Variants in EPS15L1 observed in about 807,000 individuals in gnomAD.
The protein encoded by EPS15L1 is epidermal growth factor receptor substrate 15-like 1.
A neutral mutation model predicts 117.1 loss-of-function variants in EPS15L1; 43 were observed. That is an observed-to-expected ratio of 0.37 (90% confidence interval 0.29 to 0.47). The LOEUF is 0.47. Among genes scored for constraint, EPS15L1 ranks in the 20% least tolerant of loss-of-function variants. The pLI is 0.99. For synonymous variants in EPS15L1, 459 were observed against 470.5 expected (o/e 0.98, Z 0.32); for missense variants, 981 against 1,164.0 (o/e 0.84, Z 2.29).
intron 13 of EPS15L1, chr19:16,413,084 C>G: frequency 1.4e-6 from 1 of 692,234 alleles, no homozygotes; most frequent in Admixed American, 2.0e-5. Flanking sequence ...TTGTTGCTAT[C>G]GGGGACTACA....
chr19:16,430,924 T>C (rs2092921238), intron 7 of EPS15L1, among the ~76,000 whole-genome samples: 1 of 152,102 alleles, frequency 6.6e-6, no homozygotes, highest in African/African-American at 2.4e-5. Flanking sequence ...CATGGGTGCA[T>C]AGATGCATGG....
At chr19:16,410,783 C>T (rs2092699476) in intron 13 of EPS15L1, among the ~76,000 whole-genome samples, 1 of 152,066 alleles carries the variant, frequency 6.6e-6, no homozygotes. Context: ...CATGGTGGTG[C>T]ATGCCTGTAG....
In EPS15L1 at chr19:16,405,469, C is replaced by A. The variant is rs925449585; in HGVS notation, c.1267-720G>T. 2.6e-5 allele frequency among the ~76,000 whole-genome samples: 4 copies of A among 152,200 alleles called. No homozygotes were observed. Among genetic ancestry groups the A allele is most frequent in the African/African-American group, 9.7e-5 (4 of 41,450 alleles). On this transcript the variant is annotated intron_variant, in intron 13 of 23. Transcript: ENST00000455140. This position sits in a 1 kb window ranked among gnomAD's most constrained non-coding sequence, Gnocchi z 4.0. The stretch of plus-strand genomic sequence containing the variant: ...ATGGATCCAGATGGTCAGCCCGAGG[C>A]TCCAATGCCCCATGATTCCACTTCC...
At chr19:16,380,667 C>A (rs1033210272) in intron 21 of EPS15L1, among the ~76,000 whole-genome samples, 1 of 152,244 alleles carries the variant, frequency 6.6e-6, no homozygotes, top group Non-Finnish European at 1.5e-5. Context: ...CTATTTGAGG[C>A]TCTAGCTTCC....
chr19:16,464,627 T>C (rs554430695), intron 1 of EPS15L1, among the ~76,000 whole-genome samples: 1 of 152,294 alleles, frequency 6.6e-6, no homozygotes, highest in South Asian at 2.1e-4. Flanking sequence ...TCAGTCCTCT[T>C]TGCCTCCGTG....
intron 7 of EPS15L1, among the ~76,000 whole-genome samples, chr19:16,429,804 AG>A (rs1416974060): frequency 6.6e-6 from 1 of 152,212 alleles, no homozygotes; most frequent in African/African-American, 2.4e-5. Context: ...CCAGGGATCC[AG>A]GACTCCAACA....
At chr19:16,464,851 A>G (rs1309542415) in intron 1 of EPS15L1, among the ~76,000 whole-genome samples, 1 of 152,164 alleles carries the variant, frequency 6.6e-6, no homozygotes, top group Non-Finnish European at 1.5e-5. Flanking sequence ...TGGGAGGCCA[A>G]GGCGGGCAGA....
At chr19:16,407,973 G>A (rs112120269) in intron 13 of EPS15L1, among the ~76,000 whole-genome samples, 8 of 152,182 alleles carry the variant, frequency 5.3e-5, no homozygotes, top group African/African-American at 1.9e-4. Flanking sequence ...GAAGTTTGGG[G>A]GTGATAACAC....
intron 1 of EPS15L1, among the ~76,000 whole-genome samples, chr19:16,449,181 G>T (rs1019261884): frequency 1.3e-5 from 2 of 152,044 alleles, no homozygotes; most frequent in Non-Finnish European, 2.9e-5. Context: ...AGCCAAAGCA[G>T]GAGGATTGCT....
Position 16,410,747 on chromosome 19 carries a change from C to CA in EPS15L1, c.1266+3025dup, listed in dbSNP as rs370747100. 1.1e-4 allele frequency among the ~76,000 whole-genome samples: 17 copies of CA among 150,588 alleles called. No homozygotes were observed. In the South Asian group the frequency reaches 1.7e-3, roughly 15 times the overall value. ...ACAACACAGTGAGACCTTGTCGCTG[C>CA]AAAAAAAAATTAAAAATTAGCCAAG... is the stretch of plus-strand genomic sequence containing the variant. On this transcript the variant is annotated intron_variant, in intron 13 of 23. Transcript: ENST00000455140.
chr19:16,469,603 T>C (rs73511201), intron 1 of EPS15L1, among the ~76,000 whole-genome samples: 10,162 of 151,964 alleles, frequency 0.067, 478 homozygotes, highest in African/African-American at 0.13. Flanking sequence ...GAAAAGAGTA[T>C]ATAAGGAAGG....
chr19:16,437,307 T>C (rs894472150), intron 5 of EPS15L1, among the ~76,000 whole-genome samples: 2 of 152,188 alleles, frequency 1.3e-5, no homozygotes, highest in Non-Finnish European at 2.9e-5. Context: ...GTCCATCCAG[T>C]AAATGGAATA....
chr19:16,424,742 C>T (rs2092852295), intron 9 of EPS15L1, among the ~76,000 whole-genome samples: 2 of 151,990 alleles, frequency 1.3e-5, no homozygotes, highest in Non-Finnish European at 2.9e-5. Flanking sequence ...CTCACTGCAA[C>T]CTCCGTCTCC....
At chr19:16,460,673 T>C (rs779744165) in intron 1 of EPS15L1, among the ~76,000 whole-genome samples, 1 of 151,584 alleles carries the variant, frequency 6.6e-6, no homozygotes, top group Non-Finnish European at 1.5e-5. Flanking sequence ...ACAGAGAAAG[T>C]TTCCAAAGCC....
intron 1 of EPS15L1, among the ~76,000 whole-genome samples, chr19:16,466,905 A>G (rs2145206035): frequency 6.8e-6 from 1 of 146,718 alleles, no homozygotes. Flanking sequence ...CTCTGTCTCA[A>G]AAAAAAAAAA....
intron 22 of EPS15L1, among the ~76,000 whole-genome samples, chr19:16,376,735 G>A (rs922472488): frequency 6.6e-6 from 1 of 152,266 alleles, no homozygotes; most frequent in Admixed American, 6.5e-5. Flanking sequence ...AAGAGAAGGG[G>A]CCAGAGTGGC....
chr19:16,373,728 G>A (rs1013382546), intron 22 of EPS15L1, among the ~76,000 whole-genome samples: 2 of 152,206 alleles, frequency 1.3e-5, no homozygotes, highest in Non-Finnish European at 2.9e-5. Flanking sequence ...TGACCAGAGA[G>A]CAAGGGTAGG....
intron 13 of EPS15L1, among the ~76,000 whole-genome samples, chr19:16,409,807 G>A (rs1198666222): frequency 1.3e-5 from 2 of 151,962 alleles, no homozygotes; most frequent in Non-Finnish European, 2.9e-5. Flanking sequence ...GTGTGGTGGT[G>A]CACACCTATA....
At chr19:16,439,887 C>T (rs190004532) in intron 4 of EPS15L1, among the ~76,000 whole-genome samples, 5 of 151,736 alleles carry the variant, frequency 3.3e-5, no homozygotes, top group African/African-American at 1.2e-4. Context: ...TATTCCTCAT[C>T]CCAAATGCTT....
Sources: gnomAD v4.1 joint callset for allele counts (sites outside exome capture counted in the v4.1 genomes callset) on GRCh38, gnomAD v4.1.1 for gene constraint, Gnocchi (gnomAD v3.1) non-coding constraint, MANE v1.5 for transcripts, NCBI Gene and HGNC (gene_info 2026-07-23, HGNC 2026-07-21) for gene names.